The following EPHB1 variants were observed in gnomAD, a reference collection of about 807,000 sequenced individuals.
EPHB1 encodes ephrin type-B receptor 1.
A neutral mutation model predicts 94.4 loss-of-function variants in EPHB1; 30 were observed. The observed-to-expected ratio is 0.32, with a 90% CI of 0.24 to 0.43. The LOEUF is 0.43. Ranked by LOEUF, EPHB1 falls within the 20% of genes least tolerant of loss-of-function variation. The pLI is 1.00. For missense variants in EPHB1, 1,055 were observed against 1,308.3 expected (o/e 0.81, Z 2.99); for synonymous variants, 522 against 489.1 (o/e 1.07, Z -0.89).
intron 2 of EPHB1, among the ~76,000 whole-genome samples, chr3:134,932,029 T>TTGTG (rs56801637): frequency 3.7e-4 from 55 of 148,944 alleles, no homozygotes; most frequent in South Asian, 1.1e-3. Flanking sequence ...GTGTGTGTGT[T>TTGTG]TGTGTGTGTG....
At chr3:135,111,158 T>C (rs936070076) in intron 4 of EPHB1, among the ~76,000 whole-genome samples, 5 of 152,154 alleles carry the variant, frequency 3.3e-5, no homozygotes, top group African/African-American at 1.2e-4. Context: ...TGCTGCATCA[T>C]GCTCAATAAG....
intron 1 of EPHB1, among the ~76,000 whole-genome samples, chr3:134,882,769 T>TCTTTCTTTCTTA (rs2037772257): frequency 2.2e-5 from 1 of 45,288 alleles, no homozygotes; most frequent in African/African-American, 6.5e-5. Context: ...TTCCTTCCTT[T>TCTTTCTTTCTTA]CTTTCTTTCT....
intron 2 of EPHB1, among the ~76,000 whole-genome samples, chr3:134,936,591 T>C (rs1051482527): frequency 3.9e-5 from 6 of 152,204 alleles, no homozygotes; most frequent in African/African-American, 1.4e-4. Flanking sequence ...CCATTTGAGA[T>C]GCTGCTCTGA....
At chr3:134,817,775 A>T (rs973487188) in intron 1 of EPHB1, among the ~76,000 whole-genome samples, 2 of 152,248 alleles carry the variant, frequency 1.3e-5, no homozygotes, top group Non-Finnish European at 2.9e-5. Context: ...AGCTGTTCTT[A>T]TAATGGTGGT....
chr3:135,199,191 C>G (rs1164337774), intron 11 of EPHB1, among the ~76,000 whole-genome samples: 2 of 152,152 alleles, frequency 1.3e-5, no homozygotes, highest in Non-Finnish European at 2.9e-5. Flanking sequence ...ACACTGTTGC[C>G]TATACTTACA....
intron 12 of EPHB1, among the ~76,000 whole-genome samples, chr3:135,239,242 C>T (rs1312647511): frequency 1.3e-5 from 2 of 152,056 alleles, no homozygotes; most frequent in Admixed American, 6.5e-5. Flanking sequence ...TCCTCCCAGG[C>T]TCCAGATAGG....
At chr3:134,953,554 G>T (rs577669007) in intron 3 of EPHB1, among the ~76,000 whole-genome samples, 26 of 152,366 alleles carry the variant, frequency 1.7e-4, no homozygotes, top group African/African-American at 5.8e-4. Context: ...TCTAAGTGGG[G>T]ACCAAGGCAC....
intron 3 of EPHB1, among the ~76,000 whole-genome samples, chr3:134,990,808 A>C (rs1015363561): frequency 1.3e-5 from 2 of 152,202 alleles, no homozygotes; most frequent in Non-Finnish European, 2.9e-5. Context: ...TGGTATGTTG[A>C]ATCTGCACAT....
intron 3 of EPHB1, among the ~76,000 whole-genome samples, chr3:135,015,824 GC>G (rs938243957): frequency 2.0e-5 from 3 of 152,180 alleles, no homozygotes; most frequent in Non-Finnish European, 4.4e-5. Flanking sequence ...TGACACCTGA[GC>G]TAAGGCCAGA....
intron 5 of EPHB1, among the ~76,000 whole-genome samples, chr3:135,148,130 C>A (rs892154575): frequency 6.6e-6 from 1 of 152,102 alleles, no homozygotes; most frequent in Non-Finnish European, 1.5e-5. Flanking sequence ...TTTTAATAAG[C>A]ATTGTAATGT....
At chr3:134,964,992 C>T (rs899698258) in intron 3 of EPHB1, among the ~76,000 whole-genome samples, 1 of 152,100 alleles carries the variant, frequency 6.6e-6, no homozygotes, top group African/African-American at 2.4e-5. Flanking sequence ...GAATCAATAG[C>T]AAATATTACA....
At chr3:134,941,342 CA>C (rs375853337) in intron 2 of EPHB1, among the ~76,000 whole-genome samples, 119 of 146,860 alleles carry the variant, frequency 8.1e-4, no homozygotes, top group Non-Finnish European at 1.3e-3. Context: ...GACTTGGTTC[CA>C]AATGATCTTT....
At chr3:135,149,243 A>G (rs1468892536) in intron 5 of EPHB1, among the ~76,000 whole-genome samples, 1 of 152,170 alleles carries the variant, frequency 6.6e-6, no homozygotes, top group African/African-American at 2.4e-5. Context: ...TGAACTCTTT[A>G]TTTTCATTTC....
chr3:135,038,888 C>T (rs541266105), intron 3 of EPHB1, among the ~76,000 whole-genome samples: 1 of 152,206 alleles, frequency 6.6e-6, no homozygotes, highest in Non-Finnish European at 1.5e-5. Context: ...TGCTTTTATT[C>T]TCTTATCTGG....
intron 10 of EPHB1, among the ~76,000 whole-genome samples, chr3:135,180,255 T>C (rs1465666210): frequency 6.6e-6 from 1 of 152,216 alleles, no homozygotes. Flanking sequence ...GAAATAACTC[T>C]GGAAATGGAC....
chr3:135,069,902 A>C (rs1233891139), intron 3 of EPHB1, among the ~76,000 whole-genome samples: 2 of 152,198 alleles, frequency 1.3e-5, no homozygotes, highest in Non-Finnish European at 2.9e-5. Context: ...GAAATGAGAG[A>C]AAATGTACTT....
At chr3:134,880,827 G>A (rs956350438) in intron 1 of EPHB1, among the ~76,000 whole-genome samples, 1 of 152,234 alleles carries the variant, frequency 6.6e-6, no homozygotes, top group African/African-American at 2.4e-5. Flanking sequence ...GTCTTCACAC[G>A]CAGATTAGGC....
intron 13 of EPHB1, among the ~76,000 whole-genome samples, chr3:135,242,178 G>T (rs555676910): frequency 7.2e-5 from 11 of 152,138 alleles, no homozygotes; most frequent in African/African-American, 2.7e-4. Context: ...TTTGTGTTTT[G>T]CATACATACC....
intron 3 of EPHB1, among the ~76,000 whole-genome samples, chr3:134,968,369 T>C (rs1933842244): frequency 6.6e-6 from 1 of 152,172 alleles, no homozygotes; most frequent in Non-Finnish European, 1.5e-5. Context: ...ATGTAGAAAA[T>C]TTAAAGAGAT....
Sources: allele counts gnomAD v4.1 joint callset (sites outside exome capture counted in the v4.1 genomes callset), GRCh38; gene constraint gnomAD v4.1.1; transcripts MANE v1.5; gene names NCBI Gene and HGNC (gene_info 2026-07-23, HGNC 2026-07-21).